USP32: variants seen among roughly 807,000 people sequenced by gnomAD.
USP32 encodes the protein ubiquitin carboxyl-terminal hydrolase 32.
Under a neutral mutation model 204.8 loss-of-function variants are expected in USP32, and 59 were observed. That is an observed-to-expected ratio of 0.29 (90% CI 0.23 to 0.36). USP32 has a LOEUF of 0.36. Among genes scored for constraint, USP32 ranks in the 10% least tolerant of loss-of-function variants. USP32 has a pLI of 1.00. For synonymous variants in USP32, 517 were observed against 678.4 expected, an observed-to-expected ratio of 0.76 and a Z score of 3.70; for missense variants, 1,160 against 1,946.4, an observed-to-expected ratio of 0.60 and a Z score of 7.60.
chr17:60,286,688 T>A (rs954394791), intron 5 of USP32, among the ~76,000 whole-genome samples: 2 of 152,146 alleles, frequency 1.3e-5, no homozygotes, highest in African/African-American at 4.8e-5. Context: ...TAAAAGAAGA[T>A]GTTTGATTTC....
chr17:60,208,618 T>C (rs2084890333), intron 23 of USP32, 36 bp downstream of exon 23: 1 of 1,463,448 alleles, frequency 6.8e-7, no homozygotes, highest in Non-Finnish European at 9.0e-7. Flanking sequence ...GTAAATTTAA[T>C]GGAGTCAAGT....
chr17:60,269,689 T>C, intron 6 of USP32, 132 bp from the exon 7 acceptor site: 1 of 619,218 alleles, frequency 1.6e-6, no homozygotes, highest in Non-Finnish European at 2.6e-6. Flanking sequence ...TAGTAGTTCC[T>C]AATGTTTCAG....
chr17:60,288,168 C>T (rs1034958863), intron 5 of USP32, among the ~76,000 whole-genome samples: 2 of 141,110 alleles, frequency 1.4e-5, no homozygotes, highest in African/African-American at 2.6e-5. Flanking sequence ...TGACTCACAA[C>T]TGTAATCGTG....
intron 2 of USP32, among the ~76,000 whole-genome samples, chr17:60,322,326 A>G (rs1379163907): frequency 6.6e-6 from 1 of 152,194 alleles, no homozygotes; most frequent in Non-Finnish European, 1.5e-5. Flanking sequence ...AATCATATTT[A>G]AGTGTTTAAG....
chr17:60,267,145 C>T lies in USP32; in HGVS notation c.812-1054G>A, dbSNP rs533663763. On this transcript the variant is annotated intron_variant, in intron 7 of 33. Coordinates refer to ENST00000300896, the MANE Select transcript of USP32 (RefSeq NM_032582.4). ...ATTTACAGCTGGGCATGGTGGCTCACGCCTGCAATCCCAGTACTTTGGGAG... is the reference window on the plus strand; with the variant it reads ...ATTTACAGCTGGGCATGGTGGCTCATGCCTGCAATCCCAGTACTTTGGGAG... Among the ~76,000 whole-genome samples, 18 of 151,966 alleles carry T rather than the reference C, an allele frequency of 1.2e-4. No homozygotes were observed. In the South Asian group the frequency reaches 3.3e-3, roughly 28 times the overall value.
intron 4 of USP32, among the ~76,000 whole-genome samples, chr17:60,292,177 A>G (rs2087296923): frequency 6.6e-6 from 1 of 151,500 alleles, no homozygotes; most frequent in Admixed American, 6.6e-5. Context: ...TCTTTTATTA[A>G]TCCTCTTTTC....
intron 2 of USP32, among the ~76,000 whole-genome samples, chr17:60,342,423 T>C (rs2088682075): frequency 6.6e-6 from 1 of 152,204 alleles, no homozygotes; most frequent in African/African-American, 2.4e-5. Flanking sequence ...TTCTCAGAGC[T>C]CAAATGCCAT....
At position 60,417,453 on chromosome 17, in the gene USP32, A is replaced by ATT. The variant is rs746989259; in HGVS notation, c.106+4791_106+4792dup. On this transcript the variant is annotated intron_variant, in intron 1 of 3. Coordinates refer to the USP32 transcript ENST00000588898. Reference sequence around the variant, plus strand: ...AAGCCACATGCCCAGCTGATTTTTAATTTTTTTTTTTTTTTTTGTGACAGA... The same window carrying ATT: ...AAGCCACATGCCCAGCTGATTTTTAATTTTTTTTTTTTTTTTTTTGTGACAGA... Among the ~76,000 whole-genome samples, 266 of 137,960 alleles carry ATT rather than the reference A, an allele frequency of 1.9e-3. 3 individuals carry two copies. The highest frequency in any genetic ancestry group is 5.8e-3 in the African/African-American group (225 of 38,690). 90.5% of individuals were successfully genotyped at this position (137,960 alleles called of 152,430 possible).
At chr17:60,187,064 C>T (rs2084269474) in intron 29 of USP32, among the ~76,000 whole-genome samples, 1 of 152,156 alleles carries the variant, frequency 6.6e-6, no homozygotes, top group Non-Finnish European at 1.5e-5. Context: ...CTCCTCCCTT[C>T]CAGAGGTGAA....
At chr17:60,217,450 A>G (rs892682090) in intron 16 of USP32, among the ~76,000 whole-genome samples, 2 of 152,074 alleles carry the variant, frequency 1.3e-5, no homozygotes, top group African/African-American at 4.8e-5. Context: ...ACCTGCCACC[A>G]CACATGGCTA....
intron 1 of USP32, among the ~76,000 whole-genome samples, chr17:60,346,737 A>C (rs1444723833): frequency 1.2e-4 from 19 of 152,226 alleles, no homozygotes; most frequent in Admixed American, 1.2e-3. Context: ...ATGCTAGAGA[A>C]AACAGAGAAT....
chr17:60,187,486 C>T (rs901877373), intron 29 of USP32, among the ~76,000 whole-genome samples: 3 of 152,100 alleles, frequency 2.0e-5, no homozygotes, highest in African/African-American at 7.2e-5. Context: ...GCTGCATCAT[C>T]GTTGTTGGAA....
chr17:60,285,965 C>T (rs1017490928), intron 5 of USP32, among the ~76,000 whole-genome samples: 1 of 151,852 alleles, frequency 6.6e-6, no homozygotes, highest in Non-Finnish European at 1.5e-5. Context: ...AGTGAAGCCC[C>T]GTCTCTAATA....
At chr17:60,272,246 C>T (rs921870069) in intron 5 of USP32, among the ~76,000 whole-genome samples, 3 of 152,162 alleles carry the variant, frequency 2.0e-5, no homozygotes. Context: ...TAATGACTTA[C>T]ACATTCAATA....
chr17:60,388,915 C>G (rs927317620), intron 1 of USP32, among the ~76,000 whole-genome samples: 4 of 152,160 alleles, frequency 2.6e-5, no homozygotes, highest in African/African-American at 9.7e-5. Flanking sequence ...CATAACACTT[C>G]GTTTCCAAGG....
intron 1 of USP32, among the ~76,000 whole-genome samples, chr17:60,381,647 T>G (rs2089649554): frequency 6.6e-6 from 1 of 152,174 alleles, no homozygotes; most frequent in Non-Finnish European, 1.5e-5. Flanking sequence ...TTTCTATGAT[T>G]TGGTCCCTGT....
At chr17:60,212,376 C>T (rs2084993860) in intron 18 of USP32, among the ~76,000 whole-genome samples, 1 of 152,140 alleles carries the variant, frequency 6.6e-6, no homozygotes, top group Non-Finnish European at 1.5e-5. Context: ...CAGTATGTTA[C>T]TGCATTGAAT....
chr17:60,324,880 G>A (rs1003798034), intron 2 of USP32, among the ~76,000 whole-genome samples: 4 of 152,206 alleles, frequency 2.6e-5, no homozygotes, highest in African/African-American at 7.2e-5. Context: ...GCGCATGCCT[G>A]TAATCCCAGC....
At chr17:60,334,238 T>G (rs946940382) in intron 2 of USP32, among the ~76,000 whole-genome samples, 5 of 152,208 alleles carry the variant, frequency 3.3e-5, no homozygotes, top group African/African-American at 1.2e-4. Flanking sequence ...ATTTTCTGTT[T>G]GCATTTTTCT....
Sources: gnomAD v4.1 joint callset for allele counts (sites outside exome capture counted in the v4.1 genomes callset) on GRCh38, gnomAD v4.1.1 for gene constraint, MANE v1.5 for transcripts, NCBI Gene and HGNC (gene_info 2026-07-23, HGNC 2026-07-21) for gene names.